Variants in MLIP observed in about 807,000 individuals in gnomAD.
The protein encoded by MLIP is muscular LMNA-interacting protein.
In MLIP, 79 loss-of-function variants were observed where a neutral mutation model predicts 84.8. The ratio of observed to expected loss-of-function variants is 0.93; its 90% CI spans 0.78 to 1.12. The LOEUF (loss-of-function observed/expected upper bound fraction) is 1.12, where lower values mean the gene tolerates loss of function less well. Ranked by LOEUF, MLIP falls within the 50% of genes most tolerant of loss-of-function variation. The pLI is 0.00. For missense variants in MLIP, 1,257 were observed against 1,160.6 expected (o/e 1.08, Z -1.21); for synonymous variants, 504 against 463.0 (o/e 1.09, Z -1.14).
chr6:54,237,178 G>T (rs1311152134), intron 12 of MLIP, among the ~76,000 whole-genome samples: 1 of 151,696 alleles, frequency 6.6e-6, no homozygotes, highest in Non-Finnish European at 1.5e-5. Flanking sequence ...TCTGGTAAAG[G>T]GTGTGTGAGC....
At chr6:54,216,372 A>G (rs1249188858) in intron 11 of MLIP, 2 of 985,380 alleles carry the variant, frequency 2.0e-6, no homozygotes, top group Non-Finnish European at 2.4e-6. Context: ...ATAAAAGACC[A>G]GAATCCAACT....
intron 9 of MLIP, among the ~76,000 whole-genome samples, chr6:54,185,478 T>C (rs1777298746): frequency 1.3e-5 from 2 of 152,180 alleles, no homozygotes; most frequent in East Asian, 3.8e-4. Context: ...GGGGGATTTA[T>C]AGAGATTGGA....
chr6:54,259,214 AC>A (rs1313847794), intron 13 of MLIP, among the ~76,000 whole-genome samples: 2 of 151,808 alleles, frequency 1.3e-5, no homozygotes, highest in African/African-American at 4.8e-5. Context: ...AAAGTTAATA[AC>A]TTTTTGTCAA....
chr6:54,103,954 G>A (rs1263500123), intron 1 of MLIP, among the ~76,000 whole-genome samples: 3 of 152,222 alleles, frequency 2.0e-5, no homozygotes, highest in African/African-American at 2.4e-5. Context: ...AGGGAGGTTC[G>A]TGACTTGCCC....
chr6:54,118,791 A>G (rs976065630), intron 1 of MLIP, among the ~76,000 whole-genome samples: 2 of 152,176 alleles, frequency 1.3e-5, no homozygotes, highest in African/African-American at 4.8e-5. Flanking sequence ...GTAACCAAAA[A>G]ATATTAAAAA....
intron 1 of MLIP, among the ~76,000 whole-genome samples, chr6:54,082,156 A>G (rs989003961): frequency 6.6e-6 from 1 of 152,176 alleles, no homozygotes; most frequent in African/African-American, 2.4e-5. Context: ...AGATGCAGGT[A>G]TGTTAATACA....
At chr6:54,079,539 A>G (rs1480959286) in intron 1 of MLIP, 2 of 152,250 alleles carry the variant, frequency 1.3e-5, no homozygotes, top group African/African-American at 2.4e-5. Context: ...TACTTTCATT[A>G]TCCAGAGCAA....
intron 10 of MLIP, among the ~76,000 whole-genome samples, chr6:54,194,005 C>T (rs1330500342): frequency 6.6e-6 from 1 of 152,062 alleles, no homozygotes; most frequent in Non-Finnish European, 1.5e-5. Flanking sequence ...CATGCCGTTA[C>T]AAAATGTTCA....
intron 1 of MLIP, among the ~76,000 whole-genome samples, chr6:54,084,656 AT>A (rs1767371219): frequency 6.6e-6 from 1 of 152,054 alleles, no homozygotes; most frequent in East Asian, 1.9e-4. Flanking sequence ...TTCAGGAATT[AT>A]TTTTTTCTTT....
At position 54,138,340 on chromosome 6, in the gene MLIP, T is replaced by A. The variant is rs190659920; in HGVS notation, c.2217+54T>A. 2.8e-6 allele frequency: 4 copies of A among 1,453,122 alleles called. No individual in the cohort carries two copies. In the African/African-American group the frequency reaches 6.0e-5, roughly 22 times the overall value. The allele number at this position is 1,453,122 out of a possible 1,614,324, so 90.0% of individuals were successfully genotyped here. On this transcript the variant is annotated intron_variant, in intron 4 of 13. Coordinates refer to ENST00000502396, the MANE Select transcript of MLIP (RefSeq NM_001281747.2). ...CTTATTTTGAAACAGGGAAGAATCT[T>A]TTTTTTTTCCCCAAGGCAGAAATCA...
At position 54,137,209 on chromosome 6, in the gene MLIP, T is replaced by C; in HGVS notation, c.1140T>C (p.Phe380=). The change falls in exon 4 of 14, where the codon TTT becomes TTC. Residue 380 remains phenylalanine (F), a synonymous_variant. Transcript: ENST00000502396. ...THSLSPSPKP[F]TSSFHGSSST... is the part of the protein sequence containing the mutation. ...CACTCTCTCCGAGCCCCAAACCATT[T>C]ACCTCCTCTTTCCACGGCTCTTCTT... is the stretch of plus-strand genomic sequence containing the variant. 10 of 1,536,032 alleles carry C rather than the reference T, an allele frequency of 6.5e-6. No homozygotes were observed. Among genetic ancestry groups the C allele is most frequent in the Admixed American group, 2.0e-5 (1 of 50,980 alleles).
intron 9 of MLIP, among the ~76,000 whole-genome samples, chr6:54,171,211 T>A (rs1775739207): frequency 6.6e-6 from 1 of 151,592 alleles, no homozygotes; most frequent in Admixed American, 6.6e-5. Flanking sequence ...CAATCAACTA[T>A]CAGATTTAAT....
At chr6:54,126,973 C>G (rs947766593) in intron 3 of MLIP, among the ~76,000 whole-genome samples, 1 of 152,038 alleles carries the variant, frequency 6.6e-6, no homozygotes, top group African/African-American at 2.4e-5. Flanking sequence ...CTATCTACAT[C>G]TTTTACCTCT....
chr6:54,072,737 G>T (rs976909907), intron 1 of MLIP, among the ~76,000 whole-genome samples: 2 of 152,132 alleles, frequency 1.3e-5, no homozygotes, highest in East Asian at 1.9e-4. Context: ...ATCAAGTGTT[G>T]TCTGAGTCTG....
At chr6:54,203,062 G>C (rs1778800985) in intron 11 of MLIP, among the ~76,000 whole-genome samples, 1 of 152,088 alleles carries the variant, frequency 6.6e-6, no homozygotes, top group African/African-American at 2.4e-5. Flanking sequence ...GTCATATTTA[G>C]GATTTGTTGT....
intron 1 of MLIP, among the ~76,000 whole-genome samples, chr6:54,078,878 A>G (rs1253921176): frequency 1.3e-5 from 2 of 152,010 alleles, no homozygotes; most frequent in East Asian, 3.9e-4. Flanking sequence ...TTTAGTAGAG[A>G]TGGGGTTTCA....
intron 1 of MLIP, 42 bp downstream of exon 1, chr6:54,111,617 A>G (rs1489932040): frequency 1.3e-6 from 2 of 1,531,934 alleles, no homozygotes; most frequent in South Asian, 2.4e-5. Context: ...TAACTTTTAA[A>G]AGCAGTGTAC....
rs552658806 is a variant in MLIP, at chr6:54,081,884, A to AT, written c.64-39560dup. Among the ~76,000 whole-genome samples, 364 of 152,106 alleles carry AT rather than the reference A, an allele frequency of 2.4e-3. 1 individual carries two copies. The highest frequency in any genetic ancestry group is 3.5e-3 in the Non-Finnish European group (239 of 67,994). ...GTGCTTCTGTCACATTTTTCAGCTT[A>AT]TTTGTTTTTAAAAATATTTCAGACA... On this transcript the variant is annotated intron_variant, in intron 1 of 12. Coordinates refer to the MLIP transcript ENST00000274897.
At chr6:54,142,310 G>A (rs565014034) in intron 4 of MLIP, among the ~76,000 whole-genome samples, 2 of 152,256 alleles carry the variant, frequency 1.3e-5, no homozygotes, top group Admixed American at 6.5e-5. Flanking sequence ...CTCCAAATAA[G>A]TAAATTATTG....
Sources: allele counts gnomAD v4.1 joint callset (sites outside exome capture counted in the v4.1 genomes callset), GRCh38; gene constraint gnomAD v4.1.1; transcripts MANE v1.5; gene names NCBI Gene and HGNC (gene_info 2026-07-23, HGNC 2026-07-21).